Variants in TBC1D5 observed in about 807,000 individuals in gnomAD.
TBC1D5 encodes the protein TBC1 domain family member 5, also known as TBC1 domain family, member 5.
Under a neutral mutation model 100.3 loss-of-function variants are expected in TBC1D5, and 75 were observed. That is an observed-to-expected ratio of 0.75 (90% CI 0.62 to 0.91). TBC1D5 has a LOEUF of 0.91. Ranked by LOEUF, TBC1D5 falls within the 40% of genes least tolerant of loss-of-function variation. TBC1D5 has a pLI of 0.00. For missense variants in TBC1D5, 910 were observed against 942.4 expected (o/e 0.97, Z 0.45); for synonymous variants, 323 against 325.6 (o/e 0.99, Z 0.09).
rs1485841364 is a variant in TBC1D5 at position 17,374,461 on chromosome 3, T to C, written c.822+10A>G. The C allele has an allele frequency of 3.1e-6, 5 of 1,608,632 alleles. No homozygotes were observed. In the Admixed American group the frequency reaches 8.4e-5, roughly 27 times the overall value. ...GCATATACTGAAAAGATCTGTACTATAAGATTTACCTTCTGACCATCATGC... is the reference window on the plus strand; with the variant it reads ...GCATATACTGAAAAGATCTGTACTACAAGATTTACCTTCTGACCATCATGC... On this transcript the variant is annotated intron_variant, in intron 12 of 21. Transcript: ENST00000253692.
intron 4 of TBC1D5, among the ~76,000 whole-genome samples, chr3:17,421,500 G>T (rs2094206769): frequency 1.3e-5 from 2 of 151,734 alleles, no homozygotes; most frequent in South Asian, 4.2e-4. Context: ...TGCCACTTTA[G>T]AACTAGAAAA....
intron 1 of TBC1D5, among the ~76,000 whole-genome samples, chr3:17,631,714 G>A (rs1189794689): frequency 6.6e-6 from 1 of 152,172 alleles, no homozygotes; most frequent in African/African-American, 2.4e-5. Flanking sequence ...ATTCTACTCT[G>A]TGCTCTAGAA....
At chr3:17,231,015 G>A (rs557493132) in intron 17 of TBC1D5, among the ~76,000 whole-genome samples, 46 of 152,220 alleles carry the variant, frequency 3.0e-4, no homozygotes, top group African/African-American at 1.1e-3. Context: ...GTCTGTACAT[G>A]TTCAGTAGAG....
At chr3:17,603,378 T>C (rs1172574878) in intron 2 of TBC1D5, among the ~76,000 whole-genome samples, 1 of 152,118 alleles carries the variant, frequency 6.6e-6, no homozygotes, top group East Asian at 1.9e-4. Flanking sequence ...AAAACCAAGA[T>C]GGCAACGAAA....
chr3:17,258,986 G>C (rs1226346803), intron 15 of TBC1D5, among the ~76,000 whole-genome samples: 1 of 152,104 alleles, frequency 6.6e-6, no homozygotes, highest in Non-Finnish European at 1.5e-5. Context: ...CGGGGGAAGA[G>C]AAAGTCATTA....
At chr3:17,376,875 G>C (rs1360960485) in intron 9 of TBC1D5, among the ~76,000 whole-genome samples, 1 of 152,012 alleles carries the variant, frequency 6.6e-6, no homozygotes, top group African/African-American at 2.4e-5. Context: ...ACAATAAATT[G>C]GCATGGTAGA....
intron 2 of TBC1D5, among the ~76,000 whole-genome samples, chr3:17,606,735 T>C (rs77168928): frequency 0.017 from 2,513 of 152,264 alleles, 52 homozygotes; most frequent in South Asian, 0.048. Context: ...AAAATTGTTT[T>C]GTTAGGATCA....
chr3:17,591,261 AAAAAACAAAAAC>A (rs2096769072), intron 2 of TBC1D5, among the ~76,000 whole-genome samples: 2 of 115,060 alleles, frequency 1.7e-5, no homozygotes, highest in Non-Finnish European at 3.6e-5. Flanking sequence ...AAAAAAAAAA[AAAAAACAAAAAC>A]CCCAGAGAAT....
chr3:17,563,522 G>C (rs2096572930), intron 2 of TBC1D5, among the ~76,000 whole-genome samples: 1 of 152,192 alleles, frequency 6.6e-6, no homozygotes, highest in South Asian at 2.1e-4. Context: ...TAAATTTAAG[G>C]TCTGAAAATG....
intron 15 of TBC1D5, among the ~76,000 whole-genome samples, chr3:17,291,130 G>A (rs1244588294): frequency 6.6e-6 from 1 of 152,190 alleles, no homozygotes; most frequent in Non-Finnish European, 1.5e-5. Context: ...AGAGCCAAAG[G>A]CTGGGATTAC....
At chr3:17,185,329 T>C (rs1376365367) in intron 18 of TBC1D5, 121 bp from the exon 20 acceptor site, 3 of 687,810 alleles carry the variant, frequency 4.4e-6, no homozygotes, top group Non-Finnish European at 6.7e-6. Context: ...CCTAGACAAA[T>C]CTAAATAGCA....
intron 16 of TBC1D5, among the ~76,000 whole-genome samples, chr3:17,252,445 T>A (rs543550367): frequency 2.6e-5 from 4 of 152,302 alleles, no homozygotes; most frequent in East Asian, 1.9e-4. Flanking sequence ...AATTCTGGCA[T>A]GTAGGTCCTC....
intron 2 of TBC1D5, among the ~76,000 whole-genome samples, chr3:17,564,054 T>C (rs1234453784): frequency 2.0e-5 from 3 of 152,230 alleles, no homozygotes; most frequent in Non-Finnish European, 4.4e-5. Flanking sequence ...AGTGCTGGGA[T>C]TACAGGCATG....
chr3:17,589,638 G>A (rs938478237), intron 2 of TBC1D5, among the ~76,000 whole-genome samples: 12 of 152,138 alleles, frequency 7.9e-5, no homozygotes, highest in African/African-American at 1.9e-4. Flanking sequence ...TTTGTAAATC[G>A]TCCAGTCTTG....
At chr3:17,724,032 C>G (rs2075907201) in intron 1 of TBC1D5, among the ~76,000 whole-genome samples, 1 of 151,638 alleles carries the variant, frequency 6.6e-6, no homozygotes, top group Non-Finnish European at 1.5e-5. Flanking sequence ...TACCCTTACT[C>G]CTGAAATATA....
exon 22 of TBC1D5, chr3:17,160,662 G>GTCTT: frequency 3.1e-6 from 1 of 324,768 alleles, no homozygotes; most frequent in East Asian, 4.8e-5. Context: ...TTGTGATTCG[G>GTCTT]TCTTTTCTAA....
At chr3:17,272,142 C>T (rs1384043297) in intron 15 of TBC1D5, among the ~76,000 whole-genome samples, 3 of 152,062 alleles carry the variant, frequency 2.0e-5, no homozygotes, top group Non-Finnish European at 2.9e-5. Flanking sequence ...ATTGCTGTTG[C>T]GATTCTTAGA....
At chr3:17,638,635 A>G (rs906245430) in intron 1 of TBC1D5, among the ~76,000 whole-genome samples, 18 of 152,170 alleles carry the variant, frequency 1.2e-4, no homozygotes, top group African/African-American at 4.3e-4. Context: ...TAAAAGTAGT[A>G]CTGTTTTTCA....
At chr3:17,688,408 A>G (rs2070638699) in intron 1 of TBC1D5, among the ~76,000 whole-genome samples, 1 of 152,192 alleles carries the variant, frequency 6.6e-6, no homozygotes. Context: ...TTTTTCTACA[A>G]TGAATACATA....
Sources: allele counts gnomAD v4.1 joint callset (sites outside exome capture counted in the v4.1 genomes callset), GRCh38; gene constraint gnomAD v4.1.1; transcripts MANE v1.5; gene names NCBI Gene and HGNC (gene_info 2026-07-23, HGNC 2026-07-21).